Variants in AK5 observed in about 807,000 individuals in gnomAD.
AK5 encodes the protein adenylate kinase isoenzyme 5.
Under a neutral mutation model 69.5 loss-of-function variants are expected in AK5, and 27 were observed. The ratio of observed to expected loss-of-function variants is 0.39; its 90% CI spans 0.29 to 0.54. AK5 has a LOEUF of 0.54. Among genes scored for constraint, AK5 ranks in the 20% least tolerant of loss-of-function variants. AK5 has a pLI of 0.71. For missense variants in AK5, 531 were observed against 700.4 expected, an observed-to-expected ratio of 0.76 and a Z score of 2.73; for synonymous variants, 260 against 244.4, an observed-to-expected ratio of 1.06 and a Z score of -0.60.
intron 8 of AK5, among the ~76,000 whole-genome samples, chr1:77,428,693 A>G (rs3112829): frequency 0.92 from 140,315 of 152,184 alleles, 64,818 homozygotes; most frequent in East Asian, 0.97. Flanking sequence ...ATGTTGGTGT[A>G]CTGCGCCCAG....
intron 6 of AK5, among the ~76,000 whole-genome samples, chr1:77,384,678 C>A (rs1485923156): frequency 6.6e-6 from 1 of 152,146 alleles, no homozygotes; most frequent in Non-Finnish European, 1.5e-5. Flanking sequence ...AAATAGGACA[C>A]CTTTCTGAAC....
intron 13 of AK5, among the ~76,000 whole-genome samples, chr1:77,543,705 C>T (rs945910319): frequency 2.0e-5 from 3 of 152,000 alleles, no homozygotes; most frequent in Admixed American, 6.6e-5. Flanking sequence ...GGGAGCAGTC[C>T]AAGTTTTCAG....
At chr1:77,283,553 T>G in intron 1 of AK5, 1 of 985,406 alleles carries the variant, frequency 1.0e-6, no homozygotes, top group Non-Finnish European at 1.2e-6. Context: ...TTACAGGTCT[T>G]CTTTTCTCTC....
chr1:77,475,910 T>C (rs1654908615), intron 8 of AK5, among the ~76,000 whole-genome samples: 1 of 152,004 alleles, frequency 6.6e-6, no homozygotes, highest in Non-Finnish European at 1.5e-5. Flanking sequence ...TAGCAGAGAG[T>C]TGAGTTGAAC....
At chr1:77,305,133 G>T (rs1659566371) in intron 5 of AK5, among the ~76,000 whole-genome samples, 1 of 152,082 alleles carries the variant, frequency 6.6e-6, no homozygotes, top group Non-Finnish European at 1.5e-5. Context: ...TTTGTATATT[G>T]TCTTTTGAGA....
At chr1:77,397,496 G>A (rs570499680) in intron 6 of AK5, among the ~76,000 whole-genome samples, 141 of 152,254 alleles carry the variant, frequency 9.3e-4, no homozygotes, top group African/African-American at 3.3e-3. Context: ...AATTTTTCTA[G>A]CAGCTACTTT....
At chr1:77,306,017 A>G (rs1035542534) in intron 5 of AK5, among the ~76,000 whole-genome samples, 2 of 151,902 alleles carry the variant, frequency 1.3e-5, no homozygotes, top group African/African-American at 4.8e-5. Context: ...AGTTTCTTTC[A>G]TCAGTGTTTT....
chr1:77,356,630 G>C (rs544153848), intron 6 of AK5, among the ~76,000 whole-genome samples: 3 of 152,136 alleles, frequency 2.0e-5, no homozygotes, highest in Non-Finnish European at 4.4e-5. Flanking sequence ...GTGAGAAAAG[G>C]TAATTAAAGA....
chr1:77,335,671 G>A (rs1341650212), intron 5 of AK5, among the ~76,000 whole-genome samples: 1 of 152,144 alleles, frequency 6.6e-6, no homozygotes, highest in East Asian at 1.9e-4. Context: ...ATGTATGCAG[G>A]GGTTACAAGG....
At chr1:77,515,203 C>A (rs1657566195) in intron 10 of AK5, among the ~76,000 whole-genome samples, 1 of 152,162 alleles carries the variant, frequency 6.6e-6, no homozygotes, top group Admixed American at 6.5e-5. Flanking sequence ...AGGGGTCTGA[C>A]CTCCTCCCCA....
chr1:77,425,134 G>C (rs1168102602), intron 8 of AK5, among the ~76,000 whole-genome samples: 1 of 152,042 alleles, frequency 6.6e-6, no homozygotes, highest in Non-Finnish European at 1.5e-5. Context: ...GTTGAAAGAG[G>C]GGAATAAAGC....
intron 6 of AK5, among the ~76,000 whole-genome samples, chr1:77,393,690 T>C (rs570062098): frequency 6.6e-6 from 1 of 152,278 alleles, no homozygotes; most frequent in South Asian, 2.1e-4. Context: ...ATTTTCTACC[T>C]TTCAGCATTC....
At chr1:77,418,924 T>A (rs1650613717) in intron 8 of AK5, among the ~76,000 whole-genome samples, 1 of 152,192 alleles carries the variant, frequency 6.6e-6, no homozygotes, top group Non-Finnish European at 1.5e-5. Context: ...TACACATGTT[T>A]ATAGTAATTT....
chr1:77,434,152 A>ATAAATAAC (rs201761700), intron 8 of AK5, among the ~76,000 whole-genome samples: 1 of 148,832 alleles, frequency 6.7e-6, no homozygotes, highest in African/African-American at 2.5e-5. Context: ...AAATAAATAA[A>ATAAATAAC]ATTTGATGAA....
intron 13 of AK5, among the ~76,000 whole-genome samples, chr1:77,554,764 C>A (rs1412124308): frequency 7.2e-6 from 1 of 138,616 alleles, no homozygotes; most frequent in Non-Finnish European, 1.6e-5. Context: ...CGCCACCATG[C>A]CCGGCTATTT....
intron 5 of AK5, among the ~76,000 whole-genome samples, chr1:77,299,369 C>T (rs955221701): frequency 2.7e-5 from 4 of 150,848 alleles, no homozygotes; most frequent in African/African-American, 7.3e-5. Context: ...TTACAGATAT[C>T]GTATTAAACA....
intron 13 of AK5, among the ~76,000 whole-genome samples, chr1:77,546,601 T>C (rs903367778): frequency 4.6e-5 from 7 of 152,080 alleles, no homozygotes; most frequent in Admixed American, 1.3e-4. Context: ...TCCCAGCTAC[T>C]CGGGAGGCTG....
At chr1:77,464,481 G>A (rs1397788660) in intron 8 of AK5, among the ~76,000 whole-genome samples, 2 of 152,210 alleles carry the variant, frequency 1.3e-5, no homozygotes, top group African/African-American at 4.8e-5. Flanking sequence ...TCCAGTGGGG[G>A]AAGAAGAGTG....
At chr1:77,334,195 T>C (rs916771670) in intron 5 of AK5, among the ~76,000 whole-genome samples, 1 of 152,198 alleles carries the variant, frequency 6.6e-6, no homozygotes, top group Non-Finnish European at 1.5e-5. Context: ...TAGTCTTCAG[T>C]TTTGAAAGAT....
Sources: allele counts gnomAD v4.1 joint callset (sites outside exome capture counted in the v4.1 genomes callset), GRCh38; gene constraint gnomAD v4.1.1; transcripts MANE v1.5; gene names NCBI Gene and HGNC (gene_info 2026-07-23, HGNC 2026-07-21).